The following MAP2 variants were observed in gnomAD, a reference collection of about 807,000 sequenced individuals.
The protein encoded by MAP2 is microtubule-associated protein 2.
In MAP2, 14 loss-of-function variants were observed where a neutral mutation model predicts 137.6. The ratio of observed to expected loss-of-function variants is 0.10; its 90% CI spans 0.07 to 0.16. The LOEUF is 0.16. Ranked by LOEUF, MAP2 falls within the 10% of genes least tolerant of loss-of-function variation. The pLI is 1.00. For synonymous variants in MAP2, 786 were observed against 782.3 expected (o/e 1.00, Z -0.08); for missense variants, 2,088 against 2,191.5 (o/e 0.95, Z 0.94).
chr2:209,617,902 A>G (rs1342497919), intron 3 of MAP2, among the ~76,000 whole-genome samples: 5 of 152,158 alleles, frequency 3.3e-5, no homozygotes, highest in South Asian at 2.1e-4. Context: ...TTTATCCTGC[A>G]TATGTTTTTA....
chr2:209,651,593 A>G (rs1334384069), intron 4 of MAP2, among the ~76,000 whole-genome samples: 3 of 152,182 alleles, frequency 2.0e-5, no homozygotes, highest in Non-Finnish European at 4.4e-5. Context: ...TGTGCACACA[A>G]TTCTTTTCAC....
chr2:209,492,668 T>C (rs1350443299), intron 1 of MAP2, among the ~76,000 whole-genome samples: 1 of 152,000 alleles, frequency 6.6e-6, no homozygotes. Flanking sequence ...GAGCCAAATC[T>C]TGAGCAAACT....
chr2:209,435,995 TAC>T (rs1696013335), intron 1 of MAP2, among the ~76,000 whole-genome samples: 2 of 69,350 alleles, frequency 2.9e-5, no homozygotes, highest in African/African-American at 5.3e-4. Context: ...ATATATTATA[TAC>T]TATATATACA....
At chr2:209,701,047 T>A (rs1428714829) in intron 11 of MAP2, among the ~76,000 whole-genome samples, 1 of 152,086 alleles carries the variant, frequency 6.6e-6, no homozygotes, top group Non-Finnish European at 1.5e-5. Flanking sequence ...GTAGAGAACT[T>A]TTTGGCTAAG....
intron 1 of MAP2, among the ~76,000 whole-genome samples, chr2:209,427,847 TG>T (rs945516672): frequency 4.0e-5 from 6 of 149,868 alleles, no homozygotes; most frequent in African/African-American, 1.5e-4. Flanking sequence ...GGTGGGTAGG[TG>T]GGTGGGCGTA....
intron 4 of MAP2, among the ~76,000 whole-genome samples, chr2:209,651,581 C>G (rs2094800957): frequency 6.6e-6 from 1 of 152,152 alleles, no homozygotes; most frequent in Admixed American, 6.5e-5. Flanking sequence ...AGAAAACTCT[C>G]CTGTGCACAC....
rs571466719 is a variant in MAP2 at position 209,668,817 on chromosome 2, G to A, written c.263-9755G>A. 5.3e-5 allele frequency among the ~76,000 whole-genome samples: 8 copies of A among 152,134 alleles called. No individual in the cohort carries two copies. The East Asian group carries it at 1.5e-3, about 29-fold the overall frequency. ...TTATTTTACAGCATTATTAAAGAAA[G>A]AATAGTAGGATGGTTCAAATTTACT... On this transcript the variant is annotated intron_variant, in intron 5 of 15. Coordinates refer to ENST00000682079, the MANE Select transcript of MAP2 (RefSeq NM_001375505.1).
chr2:209,651,671 A>G (rs1293993074), intron 4 of MAP2, among the ~76,000 whole-genome samples: 1 of 152,086 alleles, frequency 6.6e-6, no homozygotes, highest in African/African-American at 2.4e-5. Context: ...TTAAAACCTA[A>G]ATTTTTACAT....
At chr2:209,459,947 C>T (rs192316617) in intron 1 of MAP2, among the ~76,000 whole-genome samples, 18 of 152,300 alleles carry the variant, frequency 1.2e-4, no homozygotes, top group African/African-American at 4.3e-4. Context: ...CTTTCTTGCA[C>T]ATCAGCCACA....
chr2:209,442,878 A>G lies in MAP2; in HGVS notation c.-222+18602A>G, dbSNP rs533083107. Among the ~76,000 whole-genome samples, 70 of 151,598 alleles carry G rather than the reference A, an allele frequency of 4.6e-4. 2 individuals are homozygous for G. Among genetic ancestry groups the G allele is most frequent in the African/African-American group, 1.6e-3 (66 of 41,446 alleles). ...GACTCCTAAATATATATTTCTTTCAAATTTTTCTCCTTTTCATCTCTACTG... is the reference window on the plus strand; with the variant it reads ...GACTCCTAAATATATATTTCTTTCAGATTTTTCTCCTTTTCATCTCTACTG... On this transcript the variant is annotated intron_variant, in intron 1 of 15. Transcript: ENST00000682079.
intron 1 of MAP2, among the ~76,000 whole-genome samples, chr2:209,474,953 AC>A (rs1456224415): frequency 1.3e-5 from 2 of 151,950 alleles, no homozygotes; most frequent in East Asian, 3.8e-4. Flanking sequence ...TATCTTTTTC[AC>A]TTTTTGCAAG....
At chr2:209,499,041 A>G (rs559886125) in intron 1 of MAP2, among the ~76,000 whole-genome samples, 12 of 152,226 alleles carry the variant, frequency 7.9e-5, no homozygotes, top group Non-Finnish European at 1.3e-4. Context: ...CCACATGGTT[A>G]GATGAAAAAT....
At chr2:209,633,661 G>T (rs1348016525) in intron 4 of MAP2, among the ~76,000 whole-genome samples, 1 of 151,906 alleles carries the variant, frequency 6.6e-6, no homozygotes, top group African/African-American at 2.4e-5. Flanking sequence ...GTTTGTTTTG[G>T]GTAGGAAAAA....
At chr2:209,531,308 G>A (rs935254229) in intron 2 of MAP2, among the ~76,000 whole-genome samples, 3 of 152,128 alleles carry the variant, frequency 2.0e-5, no homozygotes, top group South Asian at 4.1e-4. Context: ...ATTCCATGTC[G>A]TCAAATATCT....
At chr2:209,665,018 A>C (rs748074331) in intron 5 of MAP2, among the ~76,000 whole-genome samples, 82 of 151,594 alleles carry the variant, frequency 5.4e-4, no homozygotes, top group Non-Finnish European at 1.0e-3. Context: ...AAAACTGAGA[A>C]TGAAGAGGTA....
At chr2:209,598,148 G>A (rs910558082) in intron 3 of MAP2, among the ~76,000 whole-genome samples, 1 of 152,086 alleles carries the variant, frequency 6.6e-6, no homozygotes, top group African/African-American at 2.4e-5. Context: ...TGGGACTGTA[G>A]GCACCCACCA....
At chr2:209,541,511 G>A (rs2153254911) in intron 2 of MAP2, among the ~76,000 whole-genome samples, 1 of 151,312 alleles carries the variant, frequency 6.6e-6, no homozygotes, top group African/African-American at 2.5e-5. Context: ...CTTCATGAAA[G>A]ATATCTCTGT....
At chr2:209,698,803 G>A (rs10490021) in intron 10 of MAP2, among the ~76,000 whole-genome samples, 15,614 of 152,152 alleles carry the variant, frequency 0.1, 946 homozygotes, top group East Asian at 0.23. Context: ...CAAATTAATA[G>A]CTTCATTAAA....
Position 209,694,480 on chromosome 2 carries a change from G to T in MAP2, c.2310G>T (p.Glu770Asp), listed in dbSNP as rs2059699208. ...AAAGCAAAGAGGAAGAACAGATAGAGAAAGTAAAAGCTACTGGAGAAGAAA... is the reference window on the plus strand; with the variant it reads ...AAAGCAAAGAGGAAGAACAGATAGATAAAGTAAAAGCTACTGGAGAAGAAA... ...PVESKEEEQI[E>D]KVKATGEEST... The change falls in exon 8 of 16, where the codon GAG becomes GAT. Residue 770 changes from glutamate to aspartate, a missense_variant. Physicochemically the swap from Glu to Asp is conservative, Grantham distance 45. Transcript: ENST00000682079. 1 of 1,614,074 alleles carries T rather than the reference G, an allele frequency of 6.2e-7. No homozygotes were observed. The highest frequency in any genetic ancestry group is 1.3e-5 in the African/African-American group (1 of 75,032).
Sources: gnomAD v4.1 joint callset for allele counts (sites outside exome capture counted in the v4.1 genomes callset) on GRCh38, gnomAD v4.1.1 for gene constraint, MANE v1.5 for transcripts, NCBI Gene and HGNC (gene_info 2026-07-23, HGNC 2026-07-21) for gene names.